The following CAT variants were observed in gnomAD, a reference collection of about 807,000 sequenced individuals.
CAT encodes epididymis secretory sperm binding protein.
CAT carries 43 observed loss-of-function variants against 59.0 expected under a neutral mutation model. The observed-to-expected ratio is 0.73, with a 90% CI of 0.57 to 0.94. The LOEUF is 0.94. Ranked by LOEUF, CAT falls within the 40% of genes least tolerant of loss-of-function variation. The pLI is 0.00. For synonymous variants in CAT, 218 were observed against 230.9 expected (o/e 0.94, Z 0.51); for missense variants, 664 against 682.9 (o/e 0.97, Z 0.31).
rs1016827473 is a variant in CAT at position 34,461,265 on chromosome 11, C to G, written c.1071C>G (p.Ala357=). 1.9e-6 allele frequency: 3 copies of G among 1,614,212 alleles called. No homozygotes were observed. Among genetic ancestry groups the G allele is most frequent in the Non-Finnish European group, 2.5e-6 (3 of 1,180,036 alleles). ...PDKMLQGRLF[A]YPDTHRHRLG... ...TATTACTGCAGGGCCGCCTTTTTGCCTATCCTGACACTCACCGCCATCGCC... is the reference window on the plus strand; with the variant it reads ...TATTACTGCAGGGCCGCCTTTTTGCGTATCCTGACACTCACCGCCATCGCC... Residue 357 remains alanine (A), a synonymous_variant, in exon 9 of 13, where the codon GCC becomes GCG. Transcript: ENST00000241052.
At position 34,471,457 on chromosome 11, in the gene CAT, G is replaced by A; in HGVS notation, c.*24G>A. 1 of 1,601,386 alleles carries A rather than the reference G, an allele frequency of 6.2e-7. No individual in the cohort carries two copies. The highest frequency in any genetic ancestry group is 8.6e-7 in the Non-Finnish European group (1 of 1,168,350). ...GAGGCCGGGGCCCTGCACCTGTGCAGCGAAGCTTAGCGTTCATCCGTGTAA... is the reference window on the plus strand; with the variant it reads ...GAGGCCGGGGCCCTGCACCTGTGCAACGAAGCTTAGCGTTCATCCGTGTAA... On this transcript the variant is annotated 3_prime_UTR_variant, in exon 13 of 13. Coordinates refer to ENST00000241052, the MANE Select transcript of CAT (RefSeq NM_001752.4).
chr11:34,461,026 G>T (rs1395550125), intron 8 of CAT: 4 of 609,980 alleles, frequency 6.6e-6, no homozygotes, highest in African/African-American at 5.5e-5. Context: ...CAGATGTGAA[G>T]ATTTATGGTT....
rs1157841776 is a variant in CAT, at chr11:34,471,872, A to T, written c.*439A>T. Reference sequence around the variant, plus strand: ...TCTAAGGTTCTCATAGGAAAAGTACATTTAATACAGCAGTGTCATCAGAAG... The same window carrying T: ...TCTAAGGTTCTCATAGGAAAAGTACTTTTAATACAGCAGTGTCATCAGAAG... On this transcript the variant is annotated 3_prime_UTR_variant, in exon 13 of 13. Transcript: ENST00000241052. 5.0e-6 allele frequency: 1 copy of T among 200,124 alleles called. No homozygotes were observed. The highest frequency in any genetic ancestry group is 2.4e-5 in the African/African-American group (1 of 42,268). 12.4% of individuals were successfully genotyped at this position (200,124 alleles called of 1,614,324 possible).
chr11:34,447,036 G>C (rs960968168), intron 1 of CAT, among the ~76,000 whole-genome samples: 1 of 152,138 alleles, frequency 6.6e-6, no homozygotes, highest in Non-Finnish European at 1.5e-5. Flanking sequence ...GAGCCACCGC[G>C]CCCAGCCTGG....
In CAT at chr11:34,471,760, A is replaced by G. The variant is rs1254843365; in HGVS notation, c.*327A>G. Reference sequence around the variant, plus strand: ...TTGTTGAAATTATGTATGTTTACATATCACCTCATGGCCTATTATATTAAA... The same window carrying G: ...TTGTTGAAATTATGTATGTTTACATGTCACCTCATGGCCTATTATATTAAA... On this transcript the variant is annotated 3_prime_UTR_variant, in exon 13 of 13. Coordinates refer to ENST00000241052, the MANE Select transcript of CAT (RefSeq NM_001752.4). 8.3e-6 allele frequency: 3 copies of G among 362,436 alleles called. No homozygotes were observed. Among genetic ancestry groups the G allele is most frequent in the African/African-American group, 4.2e-5 (2 of 47,932 alleles). The allele number at this position is 362,436 out of a possible 1,614,324, so 22.5% of individuals were successfully genotyped here.
At chr11:34,451,315 A>G (rs1473766234) in intron 3 of CAT, among the ~76,000 whole-genome samples, 1 of 152,240 alleles carries the variant, frequency 6.6e-6, no homozygotes, top group African/African-American at 2.4e-5. Context: ...CACAGAGGCT[A>G]CCTCTGCAAT....
intron 7 of CAT, 70 bp from the exon 8 acceptor site, chr11:34,456,595 T>C: frequency 7.3e-7 from 1 of 1,374,664 alleles, no homozygotes; most frequent in Non-Finnish European, 1.0e-6. Context: ...TGAAATCTGG[T>C]ATTTTTGTGG....
chr11:34,470,950 G>C lies in CAT; in HGVS notation c.1435-8G>C. On this transcript the variant is annotated splice_region_variant and splice_polypyrimidine_tract_variant and intron_variant, in intron 11 of 12. Coordinates refer to ENST00000241052, the MANE Select transcript of CAT (RefSeq NM_001752.4). ...GTAATGCTTGCATTTATTTTCCTTT[G>C]GCCTTAGGTCAAGAACTTCACTGAG... The C allele has an allele frequency of 6.2e-7, 1 of 1,611,090 alleles. No homozygotes were observed. The highest frequency in any genetic ancestry group is 8.5e-7 in the Non-Finnish European group (1 of 1,177,264).
At chr11:34,470,035 A>G (rs1387319899) in intron 11 of CAT, among the ~76,000 whole-genome samples, 1 of 152,076 alleles carries the variant, frequency 6.6e-6, no homozygotes, top group Non-Finnish European at 1.5e-5. Context: ...TGTGTGTCCT[A>G]TAACTCAATT....
intron 8 of CAT, 133 bp downstream of exon 8, chr11:34,456,950 G>A (rs1009040566): frequency 9.4e-6 from 9 of 961,646 alleles, no homozygotes; most frequent in South Asian, 1.4e-5. Flanking sequence ...TGGGTGCTTG[G>A]TTACCTTGTG....
At chr11:34,459,084 A>G (rs1856621443) in intron 8 of CAT, among the ~76,000 whole-genome samples, 1 of 152,118 alleles carries the variant, frequency 6.6e-6, no homozygotes, top group Admixed American at 6.5e-5. Context: ...TTTCTAGCCT[A>G]GCTTTCCCCC....
chr11:34,446,873 C>G (rs1856463393), intron 1 of CAT, among the ~76,000 whole-genome samples: 1 of 151,986 alleles, frequency 6.6e-6, no homozygotes, highest in South Asian at 2.1e-4. Flanking sequence ...TCCCGAGTAG[C>G]TGGGACTACA....
chr11:34,457,077 T>TAA (rs72365439), intron 8 of CAT: 100 of 423,066 alleles, frequency 2.4e-4, no homozygotes, highest in East Asian at 1.1e-3. Context: ...CTCTCTTAAT[T>TAA]AAAAAAAAAA....
intron 8 of CAT, among the ~76,000 whole-genome samples, chr11:34,458,545 T>C (rs969842757): frequency 6.6e-6 from 1 of 152,152 alleles, no homozygotes; most frequent in East Asian, 1.9e-4. Flanking sequence ...TCCTGGGCCC[T>C]AAAACTCCCT....
At position 34,453,801 on chromosome 11, in the gene CAT, GTT is replaced by G. The variant is rs1411012300; in HGVS notation, c.588_589del (p.Ser197PhefsTer5). ...TAGGCTTTATATTTCTGTTCTTTAG[GTT>G]TCTTTCTTGTTCAGTGATCGGGGGA... ...WSLRPESLHQ[V>X]SFLFSDRGIP... is the part of the protein sequence containing the mutation. On this transcript the variant is annotated frameshift_variant and splice_region_variant, in exon 6 of 13. Transcript: ENST00000241052. LOFTEE classifies it high-confidence loss of function. 1.2e-6 allele frequency: 2 copies of G among 1,612,700 alleles called. No homozygotes were observed. Among genetic ancestry groups the G allele is most frequent in the South Asian group, 2.2e-5 (2 of 91,066 alleles).
At position 34,468,373 on chromosome 11, in the gene CAT, A is replaced by G. The variant is rs1564967573; in HGVS notation, c.1412A>G (p.Gln471Arg). ...ATTGCCGGCCACCTGAAGGATGCAC[A>G]AATTTTCATCCAGAAGAAAGCGGTG... is the stretch of plus-strand genomic sequence containing the variant. ...ENIAGHLKDA[Q>R]IFIQKKAVKN... is the part of the protein sequence containing the mutation. Residue 471 changes from glutamine to arginine, a missense_variant, in exon 11 of 13, where the codon CAA becomes CGA. By Grantham distance (43) the Gln-to-Arg change is conservative. Transcript: ENST00000241052. 1 of 1,613,940 alleles carries G rather than the reference A, an allele frequency of 6.2e-7. No homozygotes were observed. The highest frequency in any genetic ancestry group is 8.5e-7 in the Non-Finnish European group (1 of 1,179,786).
chr11:34,467,424 A>G (rs1856731399), intron 10 of CAT, among the ~76,000 whole-genome samples: 2 of 152,224 alleles, frequency 1.3e-5, no homozygotes, highest in Admixed American at 1.3e-4. Flanking sequence ...AACTTTACTC[A>G]AAAATTTAAA....
chr11:34,467,404 A>G (rs1018303641), intron 10 of CAT, among the ~76,000 whole-genome samples: 1 of 152,238 alleles, frequency 6.6e-6, no homozygotes, highest in Non-Finnish European at 1.5e-5. Context: ...TAACTTTGGT[A>G]TCAGGTTTAA....
intron 5 of CAT, 93 bp downstream of exon 5, chr11:34,453,287 T>G (rs1856551268): frequency 1.2e-6 from 1 of 839,052 alleles, no homozygotes. Context: ...TTTGGCTATT[T>G]TATTGGAATC....
Sources: gnomAD v4.1 joint callset for allele counts (sites outside exome capture counted in the v4.1 genomes callset) on GRCh38, gnomAD v4.1.1 for gene constraint, MANE v1.5 for transcripts, NCBI Gene and HGNC (gene_info 2026-07-23, HGNC 2026-07-21) for gene names.